Variants in SKI observed in about 807,000 individuals in gnomAD.
SKI encodes the protein SKI proto-oncogene, also known as ski oncogene.
In SKI, 23 loss-of-function variants were observed where a neutral mutation model predicts 59.3. The observed-to-expected ratio is 0.39, with a 90% CI of 0.28 to 0.55. The LOEUF is 0.55. SKI is among the 20% of genes least tolerant of loss of function. SKI has a pLI of 0.67. For synonymous variants in SKI, 673 were observed against 488.6 expected (o/e 1.38, Z -4.98); for missense variants, 1,017 against 1,038.9 (o/e 0.98, Z 0.29).
At position 2,307,269 on chromosome 1, in the gene SKI, C is replaced by CT. The variant is rs1640617492; in HGVS notation, c.*505dup. ...GACAGCAGGGGTTTTTCTTCAGAGT[C>CT]TATTTTTTCAGCGACAAGGACCCAG... is the stretch of plus-strand genomic sequence containing the variant. On this transcript the variant is annotated 3_prime_UTR_variant, in exon 7 of 7. Transcript: ENST00000378536. 1 of 146,484 alleles carries CT rather than the reference C, an allele frequency of 6.8e-6. No individual in the cohort carries two copies. Among genetic ancestry groups the CT allele is most frequent in the South Asian group, 2.5e-4 (1 of 4,048 alleles). The allele number at this position is 146,484 out of a possible 1,614,324, so 9.1% of individuals were successfully genotyped here. A position where few individuals can be genotyped will look rare whatever the true frequency, so the allele number is the denominator to read the frequency against.
intron 1 of SKI, among the ~76,000 whole-genome samples, chr1:2,238,608 G>T (rs766666795): frequency 5.3e-5 from 8 of 152,216 alleles, no homozygotes; most frequent in Non-Finnish European, 8.8e-5. Flanking sequence ...GTGGGGTCTG[G>T]ACTCTGACCC....
At chr1:2,280,185 T>C (rs1439005728) in intron 1 of SKI, among the ~76,000 whole-genome samples, 1 of 151,070 alleles carries the variant, frequency 6.6e-6, no homozygotes, top group Non-Finnish European at 1.5e-5. Context: ...CTGGCTGATA[T>C]GGTGAAACCA....
chr1:2,291,035 C>T (rs576410288), intron 1 of SKI, among the ~76,000 whole-genome samples: 50 of 152,356 alleles, frequency 3.3e-4, no homozygotes, highest in Middle Eastern at 3.4e-3. Context: ...ACCAGCCAGT[C>T]GCTGGCAGGA....
intron 1 of SKI, among the ~76,000 whole-genome samples, chr1:2,266,902 G>A (rs1557829183): frequency 6.6e-6 from 1 of 152,216 alleles, no homozygotes; most frequent in Admixed American, 6.5e-5. Flanking sequence ...AACTGGAAAT[G>A]TTGAGATGGC....
At chr1:2,235,319 C>T (rs1285320962) in intron 1 of SKI, among the ~76,000 whole-genome samples, 2 of 152,216 alleles carry the variant, frequency 1.3e-5, no homozygotes, top group Non-Finnish European at 2.9e-5. Flanking sequence ...GCTGGGATTA[C>T]AGGCATAAGC....
intron 1 of SKI, among the ~76,000 whole-genome samples, chr1:2,253,453 G>A (rs1639205656): frequency 6.6e-6 from 1 of 152,230 alleles, no homozygotes; most frequent in South Asian, 2.1e-4. Context: ...GAGAAGCCTG[G>A]CCACTTGTGA....
chr1:2,258,493 T>C (rs896185960), intron 1 of SKI, among the ~76,000 whole-genome samples: 13 of 150,096 alleles, frequency 8.7e-5, no homozygotes, highest in African/African-American at 3.2e-4. Flanking sequence ...TTATCAGGAG[T>C]GTCATTTTCC....
chr1:2,247,390 G>T (rs1344735609), intron 1 of SKI, among the ~76,000 whole-genome samples: 1 of 152,232 alleles, frequency 6.6e-6, no homozygotes, highest in South Asian at 2.1e-4. Context: ...TGTTTGCAGC[G>T]TGCTTCTCCC....
intron 1 of SKI, among the ~76,000 whole-genome samples, chr1:2,272,480 T>C (rs979936409): frequency 6.6e-6 from 1 of 152,154 alleles, no homozygotes; most frequent in Non-Finnish European, 1.5e-5. Flanking sequence ...CGGCACTGAA[T>C]GGCAGTGGCC....
At chr1:2,234,516 G>A (rs902916763) in intron 1 of SKI, among the ~76,000 whole-genome samples, 1 of 152,220 alleles carries the variant, frequency 6.6e-6, no homozygotes, top group Non-Finnish European at 1.5e-5. Flanking sequence ...TCTGGGGTAA[G>A]TGTGAGCCGA....
chr1:2,305,920 A>G, intron 5 of SKI, 100 bp from the exon 6 acceptor site: 1 of 934,306 alleles, frequency 1.1e-6, no homozygotes, highest in Non-Finnish European at 1.7e-6. Flanking sequence ...GCACATTGTC[A>G]GATAGATGAC....
rs940586870 is a variant in SKI at position 2,268,485 on chromosome 1, T to TGG, written c.970-34490_970-34489dup. Among the ~76,000 whole-genome samples, 1 of 152,118 alleles carries TGG rather than the reference T, an allele frequency of 6.6e-6. No homozygotes were observed. The highest frequency in any genetic ancestry group is 1.5e-5 in the Non-Finnish European group (1 of 68,004). The stretch of plus-strand genomic sequence containing the variant: ...GTGCCCGGGGGCTCATAAGCCACCT[T>TGG]GGGGTATGTCTGGGTGCATGGGGAC... On this transcript the variant is annotated intron_variant, in intron 1 of 6. Coordinates refer to ENST00000378536, the MANE Select transcript of SKI (RefSeq NM_003036.4). The surrounding 1 kb of genome is among the most constrained non-coding windows in gnomAD (Gnocchi z 5.0).
chr1:2,271,404 C>T (rs959706582), intron 1 of SKI, among the ~76,000 whole-genome samples: 19 of 152,022 alleles, frequency 1.2e-4, no homozygotes, highest in African/African-American at 4.6e-4. Flanking sequence ...TATGGAGCCG[C>T]GTGGCGCCTG....
chr1:2,231,484 A>G (rs1484325110), intron 1 of SKI, among the ~76,000 whole-genome samples: 5 of 152,054 alleles, frequency 3.3e-5, no homozygotes, highest in Non-Finnish European at 5.9e-5. Context: ...AGCAGGGCCC[A>G]GGCCACCCGG....
At chr1:2,287,417 A>G (rs915946784) in intron 1 of SKI, among the ~76,000 whole-genome samples, 5 of 150,788 alleles carry the variant, frequency 3.3e-5, no homozygotes, top group African/African-American at 1.2e-4. Context: ...GCTCACTGCA[A>G]GCTCCGCCTC....
intron 1 of SKI, among the ~76,000 whole-genome samples, chr1:2,236,467 C>G (rs547522357): frequency 6.6e-6 from 1 of 151,896 alleles, no homozygotes; most frequent in East Asian, 1.9e-4. Flanking sequence ...AGTGCAGTGG[C>G]GTGATCTCGG....
chr1:2,271,384 A>G (rs1245046838), intron 1 of SKI, among the ~76,000 whole-genome samples: 1 of 151,976 alleles, frequency 6.6e-6, no homozygotes, highest in African/African-American at 2.4e-5. Context: ...GGTCCCCCAC[A>G]GGAGCCTGTT....
At position 2,306,043 on chromosome 1, in the gene SKI, CAAG is replaced by C; in HGVS notation, c.1795_1797del (p.Lys599del). The C allele has an allele frequency of 6.3e-7, 1 of 1,593,430 alleles. No individual in the cohort carries two copies. The highest frequency in any genetic ancestry group is 8.5e-7 in the Non-Finnish European group (1 of 1,171,878). On this transcript the variant is annotated inframe_deletion, in exon 6 of 7. Coordinates refer to ENST00000378536, the MANE Select transcript of SKI (RefSeq NM_003036.4). ...AGGAGCTGGAGTTCCTACGCGTGGC[CAAG>C]AAGGAGAAGCTGCGGGAGGCCACGG...
At chr1:2,260,535 C>CTTTTGTTTTTTTTTTTTTTTTTTTTTTT (rs1639362826) in intron 1 of SKI, among the ~76,000 whole-genome samples, 1 of 67,818 alleles carries the variant, frequency 1.5e-5, no homozygotes, top group African/African-American at 6.2e-5. Context: ...TGTTCTTTTT[C>CTTTTGTTTTTTTTTTTTTTTTTTTTTTT]TTTTTTTTTT....
Sources: allele counts gnomAD v4.1 joint callset (sites outside exome capture counted in the v4.1 genomes callset), GRCh38; gene constraint gnomAD v4.1.1; non-coding constraint Gnocchi (gnomAD v3.1); transcripts MANE v1.5; gene names NCBI Gene and HGNC (gene_info 2026-07-23, HGNC 2026-07-21).